Variants in ALPK1 observed in about 807,000 individuals in gnomAD.
ALPK1 encodes alpha-protein kinase 1.
A neutral mutation model predicts 120.6 loss-of-function variants in ALPK1; 110 were observed. That is an observed-to-expected ratio of 0.91 (90% confidence interval 0.78 to 1.07). The LOEUF (loss-of-function observed/expected upper bound fraction) is 1.07, where lower values mean the gene tolerates loss of function less well. ALPK1 is among the 50% of genes least tolerant of loss of function. The pLI, the probability that ALPK1 is intolerant of heterozygous loss-of-function variation, is 0.00. For missense variants in ALPK1, 1,498 were observed against 1,483.9 expected (o/e 1.01, Z -0.16); for synonymous variants, 582 against 560.3 (o/e 1.04, Z -0.55).
chr4:112,367,383 T>A (rs879336127), intron 2 of ALPK1, among the ~76,000 whole-genome samples: 26 of 152,350 alleles, frequency 1.7e-4, no homozygotes, highest in Admixed American at 1.7e-3. Flanking sequence ...TATCTGTATT[T>A]TTTTACTAGT....
rs113169149 is a variant in ALPK1, at chr4:112,368,319, T to C, written c.-100-9359T>C. On this transcript the variant is annotated intron_variant, in intron 2 of 15. Coordinates refer to ENST00000650871, the MANE Select transcript of ALPK1 (RefSeq NM_025144.4). ...ATTCTTATTCTTAATCTGCTTATGCTTTCTCTATAGCTTATGCTGTTTATT... is the reference window on the plus strand; with the variant it reads ...ATTCTTATTCTTAATCTGCTTATGCCTTCTCTATAGCTTATGCTGTTTATT... 4.8e-3 allele frequency among the ~76,000 whole-genome samples: 735 copies of C among 152,342 alleles called. 6 individuals are homozygous for C. Among genetic ancestry groups the C allele is most frequent in the African/African-American group, 0.017 (697 of 41,574 alleles).
chr4:112,382,453 G>A lies in ALPK1; in HGVS notation c.177G>A (p.Trp59Ter). The change falls in exon 4 of 16, where the codon TGG becomes TGA. Residue 59 changes from tryptophan to a stop codon, truncating the protein, a stop_gained. Transcript: ENST00000650871. LOFTEE classifies it high-confidence loss of function. ...TLIQEAKEMK[W>*]PFVPEKWQYK... ...TCCAGGAGGCAAAGGAAATGAAGTG[G>A]CCCTTCGTGCCTGAAAAGTGGCAGT... is the stretch of plus-strand genomic sequence containing the variant. 1 of 1,614,092 alleles carries A rather than the reference G, an allele frequency of 6.2e-7. No homozygotes were observed. Among genetic ancestry groups the A allele is most frequent in the Admixed American group, 1.7e-5 (1 of 60,012 alleles).
chr4:112,383,879 C>G (rs1182797540), intron 4 of ALPK1: 1 of 152,176 alleles, frequency 6.6e-6, no homozygotes, highest in African/African-American at 2.4e-5. Context: ...CTACCTTAAG[C>G]AAGCTCAGAA....
At chr4:112,315,894 C>T (rs940278711) in intron 2 of ALPK1, 42 bp downstream of exon 2, 1 of 151,978 alleles carries the variant, frequency 6.6e-6, no homozygotes, top group Non-Finnish European at 1.5e-5. Context: ...TTATTTTTTC[C>T]TAACTACATA....
chr4:112,354,286 C>G (rs78383557), intron 2 of ALPK1, among the ~76,000 whole-genome samples: 1 of 150,156 alleles, frequency 6.7e-6, no homozygotes, highest in East Asian at 2.0e-4. Context: ...AGGTATTCTC[C>G]GTTAGATATT....
chr4:112,412,482 C>T, intron 5 of ALPK1: 1 of 456,928 alleles, frequency 2.2e-6, no homozygotes, highest in South Asian at 1.5e-5. Context: ...GGTTTTTTTT[C>T]ATCATTCAGA....
chr4:112,423,952 T>C lies in ALPK1; in HGVS notation c.484T>C (p.Leu162=). The C allele has an allele frequency of 6.2e-7, 1 of 1,613,948 alleles. No individual in the cohort carries two copies. The highest frequency in any genetic ancestry group is 1.1e-5 in the South Asian group (1 of 91,034). The part of the protein sequence containing the change: ...ARISVNSGKL[L]KAEYILSSLI... ...TGGTTGCTGCTTTTCAGGAAAACTTTTAAAAGCAGAGTATATTCTGAGCAG... is the reference window on the plus strand; with the variant it reads ...TGGTTGCTGCTTTTCAGGAAAACTTCTAAAAGCAGAGTATATTCTGAGCAG... The change falls in exon 6 of 16, where the codon TTA becomes CTA. Residue 162 remains leucine (L), a synonymous_variant. Transcript: ENST00000650871.
intron 2 of ALPK1, chr4:112,358,879 T>C (rs1256598414): frequency 1.3e-6 from 1 of 774,760 alleles, no homozygotes. Context: ...TTTGCTGCCC[T>C]GGCGACCTGT....
chr4:112,401,946 C>G (rs1168736637), intron 4 of ALPK1, among the ~76,000 whole-genome samples: 1 of 152,144 alleles, frequency 6.6e-6, no homozygotes, highest in Non-Finnish European at 1.5e-5. Context: ...TAAGAAAGGT[C>G]AGCTTTTTCT....
chr4:112,426,398 T>G (rs766493434), intron 7 of ALPK1, 69 bp from the exon 8 acceptor site: 1 of 1,218,754 alleles, frequency 8.2e-7, no homozygotes, highest in South Asian at 1.3e-5. Flanking sequence ...AAAGGTTTTC[T>G]CTATACAAGA....
chr4:112,438,790 A>G, intron 13 of ALPK1, 144 bp downstream of exon 13: 1 of 871,402 alleles, frequency 1.1e-6, no homozygotes, highest in Non-Finnish European at 1.7e-6. Context: ...CAAGAGAGAA[A>G]GAACCCTAAA....
intron 2 of ALPK1, chr4:112,356,393 C>G: frequency 1.2e-6 from 1 of 840,900 alleles, no homozygotes; most frequent in Non-Finnish European, 2.1e-6. Context: ...CTTTGTCATC[C>G]TGGGGCAATG....
chr4:112,302,593 C>T (rs1364197098), intron 1 of ALPK1: 2 of 152,276 alleles, frequency 1.3e-5, no homozygotes, highest in African/African-American at 4.8e-5. Context: ...AAAAGTGTGT[C>T]CTGCCTCCCC....
chr4:112,415,053 T>C (rs1327171471), intron 5 of ALPK1: 1 of 152,136 alleles, frequency 6.6e-6, no homozygotes, highest in Non-Finnish European at 1.5e-5. Flanking sequence ...CCAGAGAAGT[T>C]ACAAGGACGC....
At chr4:112,384,181 G>C (rs1260812401) in intron 4 of ALPK1, 1 of 152,190 alleles carries the variant, frequency 6.6e-6, no homozygotes. Context: ...ACCAGTAAGT[G>C]GTGAAATTGT....
chr4:112,333,760 T>A (rs900333905), intron 2 of ALPK1, among the ~76,000 whole-genome samples: 4 of 152,226 alleles, frequency 2.6e-5, no homozygotes, highest in Non-Finnish European at 5.9e-5. Context: ...AAAAAAATTC[T>A]ACAATTCTAT....
intron 2 of ALPK1, chr4:112,316,188 A>G (rs956885687): frequency 6.6e-6 from 1 of 152,194 alleles, no homozygotes; most frequent in African/African-American, 2.4e-5. Context: ...CCAGTAAAGA[A>G]TAACTCCCAT....
At chr4:112,374,585 A>G (rs1389439161) in intron 2 of ALPK1, among the ~76,000 whole-genome samples, 4 of 152,236 alleles carry the variant, frequency 2.6e-5, no homozygotes, top group East Asian at 1.9e-4. Context: ...GCCCAGATCC[A>G]TCAAAGAAAT....
At chr4:112,326,991 C>T (rs142751414) in intron 2 of ALPK1, among the ~76,000 whole-genome samples, 1 of 152,294 alleles carries the variant, frequency 6.6e-6, no homozygotes, top group East Asian at 1.9e-4. Context: ...AGTCACTGTG[C>T]AGTAGATCAA....
Sources: allele counts gnomAD v4.1 joint callset (sites outside exome capture counted in the v4.1 genomes callset), GRCh38; gene constraint gnomAD v4.1.1; transcripts MANE v1.5; gene names NCBI Gene and HGNC (gene_info 2026-07-23, HGNC 2026-07-21).